The following LMTK2 variants were observed in gnomAD, a reference collection of about 807,000 sequenced individuals.
LMTK2 encodes lemur tail kinase 2.
In LMTK2, 37 loss-of-function variants were observed where a neutral mutation model predicts 127.5. The observed-to-expected ratio is 0.29, with a 90% CI of 0.22 to 0.38. The LOEUF (loss-of-function observed/expected upper bound fraction) is 0.38, where lower values mean the gene tolerates loss of function less well. LMTK2 is among the 10% of genes least tolerant of loss of function. The pLI, the probability that LMTK2 is intolerant of heterozygous loss-of-function variation, is 1.00. For missense variants in LMTK2, 1,694 were observed against 1,920.3 expected (o/e 0.88, Z 2.20); for synonymous variants, 819 against 810.1 (o/e 1.01, Z -0.19).
rs763427277 is a variant in LMTK2 at position 98,154,979 on chromosome 7, AAGT to A, written c.569+105_569+107del. 37 of 696,692 alleles carry A rather than the reference AAGT, an allele frequency of 5.3e-5. 1 individual carries two copies. The South Asian group carries it at 5.8e-4, about 11-fold the overall frequency. The allele number at this position is 696,692 out of a possible 1,614,324, so 43.2% of individuals were successfully genotyped here. ...ATTTCTGCCTGTAACATACATGATT[AAGT>A]AAGTTCCAAGGTCTCATAAGACCTA... On this transcript the variant is annotated intron_variant, in intron 5 of 13. Transcript: ENST00000297293.
chr7:98,175,334 A>T (rs1797261570), intron 7 of LMTK2, among the ~76,000 whole-genome samples: 1 of 152,210 alleles, frequency 6.6e-6, no homozygotes, highest in African/African-American at 2.4e-5. Context: ...AGAGAAAGAA[A>T]GGGAGTTTAG....
chr7:98,114,330 C>A (rs997377876), intron 1 of LMTK2, among the ~76,000 whole-genome samples: 1 of 149,084 alleles, frequency 6.7e-6, no homozygotes, highest in Admixed American at 6.8e-5. Context: ...GTCTCTACTT[C>A]TTGGGCTAAA....
Position 98,194,431 on chromosome 7 carries a change from C to T in LMTK2, c.3966C>T (p.Leu1322=). The T allele has an allele frequency of 1.9e-6, 3 of 1,614,170 alleles. No homozygotes were observed. The highest frequency in any genetic ancestry group is 1.6e-4 in the Middle Eastern group (1 of 6,062). The change falls in exon 11 of 14, where the codon CTC becomes CTT. Residue 1322 remains leucine (L), a synonymous_variant. Coordinates refer to ENST00000297293, the MANE Select transcript of LMTK2 (RefSeq NM_014916.4). The surrounding 1 kb of genome is among the most constrained non-coding windows in gnomAD (Gnocchi z 5.4). ...DETEHPVPII[L]SNEDGRHLRS... ...CCGAGCACCCCGTGCCCATCATCCTCAGCAACGAGGACGGAAGGCACCTGC... is the reference window on the plus strand; with the variant it reads ...CCGAGCACCCCGTGCCCATCATCCTTAGCAACGAGGACGGAAGGCACCTGC...
At chr7:98,204,556 G>A (rs911550086) in intron 13 of LMTK2, among the ~76,000 whole-genome samples, 1 of 152,252 alleles carries the variant, frequency 6.6e-6, no homozygotes, top group African/African-American at 2.4e-5. Flanking sequence ...GAGCCCAGGA[G>A]TTCAAGGCTA....
chr7:98,142,648 C>G (rs1352621546), intron 3 of LMTK2, among the ~76,000 whole-genome samples: 2 of 152,110 alleles, frequency 1.3e-5, no homozygotes, highest in Non-Finnish European at 2.9e-5. Flanking sequence ...TAGTCGATCC[C>G]CGGTGGATTC....
chr7:98,206,136 T>C lies in LMTK2; in HGVS notation c.*644T>C, dbSNP rs1797794455. Reference sequence around the variant, plus strand: ...TGTGAAGCTTAAATATTTTGAGTGTTCTACTGTGTCTAGGATTGTTGGGAT... The same window carrying C: ...TGTGAAGCTTAAATATTTTGAGTGTCCTACTGTGTCTAGGATTGTTGGGAT... On this transcript the variant is annotated 3_prime_UTR_variant, in exon 14 of 14. Coordinates refer to ENST00000297293, the MANE Select transcript of LMTK2 (RefSeq NM_014916.4). The C allele has an allele frequency of 6.5e-6, 1 of 152,728 alleles. No individual in the cohort carries two copies. Among genetic ancestry groups the C allele is most frequent in the South Asian group, 2.1e-4 (1 of 4,846 alleles). The allele number at this position is 152,728 out of a possible 1,614,324, so 9.5% of individuals were successfully genotyped here.
intron 5 of LMTK2, among the ~76,000 whole-genome samples, chr7:98,156,887 G>T (rs1249235879): frequency 6.6e-6 from 1 of 152,144 alleles, no homozygotes; most frequent in Non-Finnish European, 1.5e-5. Flanking sequence ...TGTTCTGTTA[G>T]GATCTTCAAC....
At chr7:98,172,269 A>G (rs1175668978) in intron 7 of LMTK2, among the ~76,000 whole-genome samples, 1 of 150,022 alleles carries the variant, frequency 6.7e-6, no homozygotes, top group Non-Finnish European at 1.5e-5. Flanking sequence ...TTTCTGTTGC[A>G]GCTTTTCAGG....
intron 1 of LMTK2, among the ~76,000 whole-genome samples, chr7:98,128,134 A>G (rs574207377): frequency 2.6e-5 from 4 of 152,238 alleles, no homozygotes; most frequent in Admixed American, 1.3e-4. Flanking sequence ...ACAGAGCAAG[A>G]CTCCATCTCT....
intron 3 of LMTK2, among the ~76,000 whole-genome samples, chr7:98,150,559 A>G (rs555496402): frequency 1.3e-5 from 2 of 152,320 alleles, no homozygotes; most frequent in South Asian, 4.1e-4. Context: ...GCATGCATGT[A>G]TTTATAGCAT....
intron 10 of LMTK2, among the ~76,000 whole-genome samples, chr7:98,191,329 A>C (rs1288721688): frequency 6.6e-6 from 1 of 152,066 alleles, no homozygotes; most frequent in Non-Finnish European, 1.5e-5. Context: ...TGAGGTGGGC[A>C]GATCACGAGG....
At chr7:98,137,043 G>A (rs1461213733) in intron 1 of LMTK2, among the ~76,000 whole-genome samples, 1 of 152,210 alleles carries the variant, frequency 6.6e-6, no homozygotes, top group Non-Finnish European at 1.5e-5. Flanking sequence ...GTTTTGATCA[G>A]CATACTGTGG....
intron 7 of LMTK2, among the ~76,000 whole-genome samples, chr7:98,184,310 C>T (rs1313464848): frequency 6.6e-6 from 1 of 152,104 alleles, no homozygotes; most frequent in Non-Finnish European, 1.5e-5. Context: ...ACACCAGTTC[C>T]GAGTGTTTTC....
At chr7:98,138,276 A>C (rs1584256530) in intron 2 of LMTK2, among the ~76,000 whole-genome samples, 1 of 152,282 alleles carries the variant, frequency 6.6e-6, no homozygotes. Flanking sequence ...AGTGGTTCAA[A>C]TTGAGGGAAA....
chr7:98,166,380 C>T (rs1771411045), intron 6 of LMTK2, among the ~76,000 whole-genome samples: 1 of 152,188 alleles, frequency 6.6e-6, no homozygotes, highest in Non-Finnish European at 1.5e-5. Context: ...ATGGGGGCCT[C>T]ACTGTTGTCT....
intron 2 of LMTK2, among the ~76,000 whole-genome samples, chr7:98,139,033 A>G (rs370854797): frequency 4.2e-4 from 64 of 152,240 alleles, no homozygotes; most frequent in African/African-American, 1.4e-3. Context: ...TTTACAGACC[A>G]GGAAGCTACA....
At chr7:98,203,321 C>T (rs1013213369) in intron 11 of LMTK2, among the ~76,000 whole-genome samples, 6 of 152,230 alleles carry the variant, frequency 3.9e-5, no homozygotes, top group Non-Finnish European at 7.3e-5. Context: ...CGCTCGTGCC[C>T]GCCTGCCTGC....
At chr7:98,120,982 C>T (rs1239603375) in intron 1 of LMTK2, among the ~76,000 whole-genome samples, 4 of 152,246 alleles carry the variant, frequency 2.6e-5, no homozygotes, top group East Asian at 1.9e-4. Context: ...CAACATTAAC[C>T]GTATAGGCAC....
At chr7:98,157,504 C>T (rs1796944809) in intron 5 of LMTK2, among the ~76,000 whole-genome samples, 1 of 152,010 alleles carries the variant, frequency 6.6e-6, no homozygotes, top group African/African-American at 2.4e-5. Flanking sequence ...AAACTTTTTT[C>T]CGTACAAAAA....
Sources: allele counts gnomAD v4.1 joint callset (sites outside exome capture counted in the v4.1 genomes callset), GRCh38; gene constraint gnomAD v4.1.1; non-coding constraint Gnocchi (gnomAD v3.1); transcripts MANE v1.5; gene names NCBI Gene and HGNC (gene_info 2026-07-23, HGNC 2026-07-21).